SEMA3B: variants seen among roughly 807,000 people sequenced by gnomAD.
The protein encoded by SEMA3B is semaphorin-3B.
A neutral mutation model predicts 77.8 loss-of-function variants in SEMA3B; 71 were observed. That is an observed-to-expected ratio of 0.91 (90% CI 0.75 to 1.11). The LOEUF is 1.11. SEMA3B is among the 50% of genes most tolerant of loss of function. The probability of loss-of-function intolerance (pLI) is 0.00; values close to 1 mark genes in which losing one functional copy is unlikely to be tolerated. For synonymous variants in SEMA3B, 470 were observed against 452.9 expected, an observed-to-expected ratio of 1.04 and a Z score of -0.48; for missense variants, 968 against 1,056.8, an observed-to-expected ratio of 0.92 and a Z score of 1.17.
chr3:50,270,400 AC>A lies in SEMA3B; in HGVS notation c.268-31del. On this transcript the variant is annotated intron_variant, in intron 2 of 16. Coordinates refer to ENST00000616701, the MANE Select transcript of SEMA3B (RefSeq NM_001290060.2). This position sits in a 1 kb window ranked among gnomAD's most constrained non-coding sequence, Gnocchi z 4.7. ...AGGTAGAGAATATCCCAAGTTCCTG[AC>A]CTGTGTCCCCTCTCCCCCAACCTCC... 6.2e-7 allele frequency: 1 copy of A among 1,613,504 alleles called. No individual in the cohort carries two copies. The highest frequency in any genetic ancestry group is 8.5e-7 in the Non-Finnish European group (1 of 1,179,692).
In SEMA3B at chr3:50,273,230, C is replaced by T. The variant is rs1701107558; in HGVS notation, c.665-68C>T. 2.6e-6 allele frequency: 4 copies of T among 1,541,624 alleles called. No homozygotes were observed. The highest frequency in any genetic ancestry group is 1.8e-6 in the Non-Finnish European group (2 of 1,142,078). On this transcript the variant is annotated intron_variant, in intron 6 of 16. Transcript: ENST00000616701. This position sits in a 1 kb window ranked among gnomAD's most constrained non-coding sequence, Gnocchi z 6.5. ...GTGCCCGCACTACGGGAAGGGGAAG[C>T]AGCGCGTGGGTCTCGCATCAGGAGG... is the stretch of plus-strand genomic sequence containing the variant.
Position 50,274,448 on chromosome 3 carries a change from T to C in SEMA3B, c.1223T>C (p.Met408Thr), listed in dbSNP as rs782692108. The change falls in exon 11 of 17, where the codon ATG becomes ACG. Residue 408 changes from methionine to threonine, a missense_variant. Coordinates refer to ENST00000616701, the MANE Select transcript of SEMA3B (RefSeq NM_001290060.2). The surrounding 1 kb of genome is among the most constrained non-coding windows in gnomAD (Gnocchi z 4.7). ...VIQFARNHPL[M>T]YNSVLPTGGR... The stretch of plus-strand genomic sequence containing the variant: ...CAGTTTGCGCGGAACCACCCCCTCA[T>C]GTACAACTCTGTCCTGCCCACTGGG... 1.3e-6 allele frequency: 2 copies of C among 1,532,968 alleles called. No homozygotes were observed. The highest frequency in any genetic ancestry group is 2.8e-5 in the African/African-American group (2 of 72,020). 95.0% of individuals were successfully genotyped at this position (1,532,968 alleles called of 1,614,324 possible). A position where few individuals can be genotyped will look rare whatever the true frequency, so the allele number is the denominator to read the frequency against.
Position 50,270,323 on chromosome 3 carries a change from G to T in SEMA3B, c.267+39G>T. ...CCAACCCCAGCACTCCCCAGGGAAG[G>T]AGCCCTGGGACCCCACTCCAGCCTG... On this transcript the variant is annotated intron_variant, in intron 2 of 16. Transcript: ENST00000616701. This position sits in a 1 kb window ranked among gnomAD's most constrained non-coding sequence, Gnocchi z 4.7. 1 of 1,609,840 alleles carries T rather than the reference G, an allele frequency of 6.2e-7. No individual in the cohort carries two copies. The highest frequency in any genetic ancestry group is 1.7e-4 in the Middle Eastern group (1 of 6,052).
chr3:50,269,300 G>A lies in SEMA3B; in HGVS notation c.60G>A (p.Gly20=), dbSNP rs1553704949. ...GCCTGGCCCTGCTCTGGGCAGTGGG[G>A]CTGGGGAGTGCCGCCCCCAGCCCCC... ...IPGLALLWAV[G]LGSAAPSPPR... is the part of the protein sequence containing the mutation. The change falls in exon 1 of 17, where the codon GGG becomes GGA. Residue 20 remains glycine (G), a synonymous_variant. Transcript: ENST00000616701. This position sits in a 1 kb window ranked among gnomAD's most constrained non-coding sequence, Gnocchi z 4.0. 6.5e-7 allele frequency: 1 copy of A among 1,533,092 alleles called. No homozygotes were observed. Among genetic ancestry groups the A allele is most frequent in the Non-Finnish European group, 8.7e-7 (1 of 1,144,278 alleles). 95.0% of individuals were successfully genotyped at this position (1,533,092 alleles called of 1,614,324 possible).
chr3:50,268,082 G>C (rs1341410130), upstream of SEMA3B, among the ~76,000 whole-genome samples: 1 of 152,208 alleles, frequency 6.6e-6, no homozygotes, highest in Non-Finnish European at 1.5e-5. Context: ...AGTGAAGGGA[G>C]AGGCTCAGAG....
In SEMA3B at chr3:50,270,144, G is replaced by C. The variant is rs782678174; in HGVS notation, c.127G>C (p.Gly43Arg). 6.4e-7 allele frequency: 1 copy of C among 1,559,364 alleles called. No homozygotes were observed. Among genetic ancestry groups the C allele is most frequent in the African/African-American group, 1.4e-5 (1 of 73,380 alleles). ...CCCTGCAGAGCTCCAGGCCTGGCATGGTCTCCAGACTTTCAGCCTGGAGCG... is the reference window on the plus strand; with the variant it reads ...CCCTGCAGAGCTCCAGGCCTGGCATCGTCTCCAGACTTTCAGCCTGGAGCG... ...LSFQELQAWHGLQTFSLERTC... is the reference protein window; with the variant it reads ...LSFQELQAWHRLQTFSLERTC... The change falls in exon 2 of 17, where the codon GGT (glycine) becomes CGT (arginine). Residue 43 changes from glycine to arginine, a missense_variant. By Grantham distance (125) the Gly-to-Arg change is moderately radical. Coordinates refer to ENST00000616701, the MANE Select transcript of SEMA3B (RefSeq NM_001290060.2). This position sits in a 1 kb window ranked among gnomAD's most constrained non-coding sequence, Gnocchi z 4.7.
In SEMA3B at chr3:50,274,534, C is replaced by T. The variant is rs782769819; in HGVS notation, c.1309C>T (p.Arg437Trp). 6.4e-7 allele frequency: 1 copy of T among 1,567,190 alleles called. No individual in the cohort carries two copies. The highest frequency in any genetic ancestry group is 2.3e-5 in the East Asian group (1 of 44,136). ...CACCTTCACTCAAATTGCCGCGGAC[C>T]GGGTTGCAGCCGCTGACGGACACTA... The part of the protein sequence containing the change: ...NYTFTQIAAD[R>W]VAAADGHYDV... Residue 437 changes from arginine (R) to tryptophan (W), a missense_variant, in exon 11 of 17, where the codon CGG becomes TGG. Physicochemically the swap from Arg to Trp is moderately radical, Grantham distance 101 (BLOSUM62 -3). Coordinates refer to ENST00000616701, the MANE Select transcript of SEMA3B (RefSeq NM_001290060.2). This position sits in a 1 kb window ranked among gnomAD's most constrained non-coding sequence, Gnocchi z 4.7.
Position 50,275,019 on chromosome 3 carries a change from C to G in SEMA3B, c.1457C>G (p.Ala486Gly). Residue 486 changes from alanine (A) to glycine (G), a missense_variant, in exon 13 of 17, where the codon GCC becomes GGC. Physicochemically the swap from Ala to Gly is moderately conservative, Grantham distance 60. Transcript: ENST00000616701. This position sits in a 1 kb window ranked among gnomAD's most constrained non-coding sequence, Gnocchi z 7.5. ...GCCCCTCCTCCCTCTCAGGACTCGGCCGCTGTCACCAGCATGCAAATTTCT... is the reference window on the plus strand; with the variant it reads ...GCCCCTCCTCCCTCTCAGGACTCGGGCGCTGTCACCAGCATGCAAATTTCT... The part of the protein sequence containing the change: ...LEELHVFEDS[A>G]AVTSMQISSK... 6.3e-7 allele frequency: 1 copy of G among 1,593,210 alleles called. No individual in the cohort carries two copies. The highest frequency in any genetic ancestry group is 8.6e-7 in the Non-Finnish European group (1 of 1,166,360).
upstream of SEMA3B, among the ~76,000 whole-genome samples, chr3:50,263,920 G>A (rs1231759299): frequency 3.3e-5 from 5 of 151,996 alleles, no homozygotes; most frequent in Non-Finnish European, 5.9e-5. Flanking sequence ...TGAGGTGGCC[G>A]GGAGCGGTGA....
rs782730338 is a variant in SEMA3B at position 50,274,412 on chromosome 3, A to G, written c.1187A>G (p.Asp396Gly). ...TTCAGTTCCACCAAGGACTTCCCAG[A>G]CGATGTCATCCAGTTTGCGCGGAAC... ...GTFSSTKDFPDDVIQFARNHP... is the reference protein window; with the variant it reads ...GTFSSTKDFPGDVIQFARNHP... Residue 396 changes from aspartate to glycine, a missense_variant, in exon 11 of 17, where the codon GAC becomes GGC. By Grantham distance (94) the Asp-to-Gly change is moderately conservative. Coordinates refer to ENST00000616701, the MANE Select transcript of SEMA3B (RefSeq NM_001290060.2). The surrounding 1 kb of genome is among the most constrained non-coding windows in gnomAD (Gnocchi z 4.7). 1 of 1,508,236 alleles carries G rather than the reference A, an allele frequency of 6.6e-7. No individual in the cohort carries two copies. Among genetic ancestry groups the G allele is most frequent in the East Asian group, 2.4e-5 (1 of 41,938 alleles). 93.4% of individuals were successfully genotyped at this position (1,508,236 alleles called of 1,614,324 possible).
chr3:50,265,287 T>C (rs587755016), upstream of SEMA3B, among the ~76,000 whole-genome samples: 3 of 151,128 alleles, frequency 2.0e-5, no homozygotes, highest in African/African-American at 7.3e-5. Flanking sequence ...CAAGGAAGAG[T>C]TGTGACGTTG....
chr3:50,273,487 C>T lies in SEMA3B; in HGVS notation c.810+44C>T. On this transcript the variant is annotated intron_variant, in intron 7 of 16. Coordinates refer to ENST00000616701, the MANE Select transcript of SEMA3B (RefSeq NM_001290060.2). This position sits in a 1 kb window ranked among gnomAD's most constrained non-coding sequence, Gnocchi z 6.5. ...ACACCCGGCGACCCTGCCCCTACCC[C>T]TTTGCCTGCCCTGGTCTCGCCCTCA... 6.2e-7 allele frequency: 1 copy of T among 1,609,748 alleles called. No individual in the cohort carries two copies.
chr3:50,274,707 CT>C lies in SEMA3B; in HGVS notation c.1357+126del. Reference sequence around the variant, plus strand: ...GGGCTGTGTCTCCACCCTGTGGATGCTGCCCAACCCACACTCTTCCAGTCCA... The same window carrying C: ...GGGCTGTGTCTCCACCCTGTGGATGCGCCCAACCCACACTCTTCCAGTCCA... On this transcript the variant is annotated intron_variant, in intron 11 of 16. Transcript: ENST00000616701. The surrounding 1 kb of genome is among the most constrained non-coding windows in gnomAD (Gnocchi z 4.7). 7.3e-7 allele frequency: 1 copy of C among 1,378,810 alleles called. No homozygotes were observed. Among genetic ancestry groups the C allele is most frequent in the Non-Finnish European group, 1.0e-6 (1 of 1,001,878 alleles). The allele number at this position is 1,378,810 out of a possible 1,614,324, so 85.4% of individuals were successfully genotyped here.
Position 50,273,485 on chromosome 3 carries a change from C to A in SEMA3B, c.810+42C>A. 2 of 1,609,916 alleles carry A rather than the reference C, an allele frequency of 1.2e-6. No individual in the cohort carries two copies. Among genetic ancestry groups the A allele is most frequent in the South Asian group, 1.1e-5 (1 of 90,892 alleles). On this transcript the variant is annotated intron_variant, in intron 7 of 16. Transcript: ENST00000616701. This position sits in a 1 kb window ranked among gnomAD's most constrained non-coding sequence, Gnocchi z 6.5. ...CCACACCCGGCGACCCTGCCCCTAC[C>A]CCTTTGCCTGCCCTGGTCTCGCCCT...
chr3:50,273,142 G>T lies in SEMA3B; in HGVS notation c.665-156G>T, dbSNP rs1304358143. ...CCCTGATCCTTTGGATTCGGTCCGC[G>T]CAGAGCGCCAACTGGACATGGTGCT... On this transcript the variant is annotated intron_variant, in intron 6 of 16. Transcript: ENST00000616701. The surrounding 1 kb of genome is among the most constrained non-coding windows in gnomAD (Gnocchi z 6.5). The T allele has an allele frequency of 2.3e-5, 27 of 1,195,936 alleles. No individual in the cohort carries two copies. Among genetic ancestry groups the T allele is most frequent in the Non-Finnish European group, 3.1e-5 (27 of 869,560 alleles). The allele number at this position is 1,195,936 out of a possible 1,614,324, so 74.1% of individuals were successfully genotyped here. A position where few individuals can be genotyped will look rare whatever the true frequency, so the allele number is the denominator to read the frequency against.
rs587774752 is a variant in SEMA3B at position 50,275,868 on chromosome 3, G to A, written c.1845+24G>A. The A allele has an allele frequency of 6.4e-6, 10 of 1,558,928 alleles. No homozygotes were observed. The highest frequency in any genetic ancestry group is 2.7e-5 in the African/African-American group (2 of 73,278). ...AGGTGAGCCTTACTCCGCCCTCCCC[G>A]CCAGGCTCCTGTCCCACCCCCTGCA... On this transcript the variant is annotated intron_variant, in intron 16 of 16. Coordinates refer to ENST00000616701, the MANE Select transcript of SEMA3B (RefSeq NM_001290060.2). The surrounding 1 kb of genome is among the most constrained non-coding windows in gnomAD (Gnocchi z 7.5).
chr3:50,275,059 T>C lies in SEMA3B; in HGVS notation c.1491+6T>C, dbSNP rs1332708618. 1 of 1,580,072 alleles carries C rather than the reference T, an allele frequency of 6.3e-7. No individual in the cohort carries two copies. Among genetic ancestry groups the C allele is most frequent in the Admixed American group, 1.7e-5 (1 of 58,414 alleles). ...TGCAAATTTCTTCCAAGAGGGTGAG[T>C]GACCAGGATGGGGGTCGGGGTGGGA... On this transcript the variant is annotated splice_donor_region_variant and intron_variant, in intron 13 of 16. Transcript: ENST00000616701. This position sits in a 1 kb window ranked among gnomAD's most constrained non-coding sequence, Gnocchi z 7.5.
At position 50,276,063 on chromosome 3, in the gene SEMA3B, C is replaced by T. The variant is rs1701227603; in HGVS notation, c.1845+219C>T. On this transcript the variant is annotated intron_variant, in intron 16 of 16. Transcript: ENST00000616701. This position sits in a 1 kb window ranked among gnomAD's most constrained non-coding sequence, Gnocchi z 5.8. ...ATCAAGGAGAAGACCCGCCCTCGAC[C>T]CTCCCATTAAGGTCCCTGACCACCC... 2 of 800,490 alleles carry T rather than the reference C, an allele frequency of 2.5e-6. No homozygotes were observed. Among genetic ancestry groups the T allele is most frequent in the African/African-American group, 1.7e-5 (1 of 57,154 alleles). The allele number at this position is 800,490 out of a possible 1,614,324, so 49.6% of individuals were successfully genotyped here.
chr3:50,273,679 G>A lies in SEMA3B; in HGVS notation c.922+33G>A. 1 of 1,603,640 alleles carries A rather than the reference G, an allele frequency of 6.2e-7. No individual in the cohort carries two copies. Among genetic ancestry groups the A allele is most frequent in the Non-Finnish European group, 8.5e-7 (1 of 1,177,902 alleles). On this transcript the variant is annotated intron_variant, in intron 8 of 16. Transcript: ENST00000616701. The surrounding 1 kb of genome is among the most constrained non-coding windows in gnomAD (Gnocchi z 6.5). ...CGGGAGTGGGTATGGGGTTGGGGAGGGGGGCAGCGGCGCAGACTCCGGGAG... is the reference window on the plus strand; with the variant it reads ...CGGGAGTGGGTATGGGGTTGGGGAGAGGGGCAGCGGCGCAGACTCCGGGAG...
Sources: allele counts gnomAD v4.1 joint callset (sites outside exome capture counted in the v4.1 genomes callset), GRCh38; gene constraint gnomAD v4.1.1; non-coding constraint Gnocchi (gnomAD v3.1); transcripts MANE v1.5; gene names NCBI Gene and HGNC (gene_info 2026-07-23, HGNC 2026-07-21).